SRRM4: variants seen among roughly 807,000 people sequenced by gnomAD.
SRRM4 encodes the protein serine/arginine repetitive matrix protein 4.
Under a neutral mutation model 68.9 loss-of-function variants are expected in SRRM4, and 33 were observed. The observed-to-expected ratio is 0.48, with a 90% CI of 0.36 to 0.64. SRRM4 has a LOEUF of 0.64. SRRM4 is among the 30% of genes least tolerant of loss of function. The pLI, the probability that SRRM4 is intolerant of heterozygous loss-of-function variation, is 0.00. For synonymous variants in SRRM4, 318 were observed against 318.8 expected, an observed-to-expected ratio of 1.00 and a Z score of 0.03; for missense variants, 817 against 827.1, an observed-to-expected ratio of 0.99 and a Z score of 0.15.
intron 1 of SRRM4, among the ~76,000 whole-genome samples, chr12:119,088,026 A>G (rs894259140): frequency 2.0e-5 from 3 of 152,202 alleles, no homozygotes; most frequent in Non-Finnish European, 2.9e-5. Flanking sequence ...TAGGTCCTCA[A>G]TAAATGTGAG....
At chr12:118,982,642 A>C (rs964131795) in intron 1 of SRRM4, among the ~76,000 whole-genome samples, 4 of 150,360 alleles carry the variant, frequency 2.7e-5, no homozygotes, top group Non-Finnish European at 4.4e-5. Flanking sequence ...CAAGATCGTG[A>C]AGATGATCTT....
chr12:119,036,255 C>T (rs1382471001), intron 1 of SRRM4, among the ~76,000 whole-genome samples: 1 of 152,148 alleles, frequency 6.6e-6, no homozygotes, highest in Non-Finnish European at 1.5e-5. Context: ...GTGGCCATTG[C>T]CTCCGCTTTG....
intron 1 of SRRM4, among the ~76,000 whole-genome samples, chr12:119,095,959 CAAAAA>C (rs34062118): frequency 9.4e-6 from 1 of 105,972 alleles, no homozygotes; most frequent in Admixed American, 9.7e-5. Context: ...GCCTCAGTCT[CAAAAA>C]AAAAAAAAAA....
intron 6 of SRRM4, among the ~76,000 whole-genome samples, chr12:119,123,682 A>T (rs933559666): frequency 6.6e-6 from 1 of 152,210 alleles, no homozygotes; most frequent in Admixed American, 6.5e-5. Context: ...AATCTTGAGG[A>T]TTCAAGATAA....
intron 1 of SRRM4, among the ~76,000 whole-genome samples, chr12:118,990,421 A>G (rs540847457): frequency 6.6e-6 from 1 of 152,226 alleles, no homozygotes; most frequent in African/African-American, 2.4e-5. Flanking sequence ...GCATTGTCCT[A>G]TTTGGTTCGG....
intron 1 of SRRM4, among the ~76,000 whole-genome samples, chr12:119,019,346 G>C (rs1464142815): frequency 3.3e-5 from 5 of 152,160 alleles, no homozygotes. Flanking sequence ...GTGTTCGGCA[G>C]ATGGGGGCTG....
Position 119,145,799 on chromosome 12 carries a change from G to C in SRRM4, c.1076+114G>C, listed in dbSNP as rs900856023. ...CCCCAAGATTATTTTATTTGTAAGA[G>C]AGATGAAACTCAACTCAGACTGGCT... On this transcript the variant is annotated intron_variant, in intron 9 of 12. Transcript: ENST00000267260. 5.1e-6 allele frequency: 5 copies of C among 987,428 alleles called. No homozygotes were observed. In the African/African-American group the frequency reaches 5.1e-5, roughly 10 times the overall value. 61.2% of individuals were successfully genotyped at this position (987,428 alleles called of 1,614,324 possible). A position where few individuals can be genotyped will look rare whatever the true frequency, so the allele number is the denominator to read the frequency against.
intron 1 of SRRM4, among the ~76,000 whole-genome samples, chr12:118,994,656 G>C (rs1276524078): frequency 6.6e-6 from 1 of 152,182 alleles, no homozygotes; most frequent in Non-Finnish European, 1.5e-5. Context: ...TAATGTGCTT[G>C]GGCTTGAATT....
intron 1 of SRRM4, among the ~76,000 whole-genome samples, chr12:118,990,271 C>T (rs2135988939): frequency 6.6e-6 from 1 of 152,226 alleles, no homozygotes; most frequent in South Asian, 2.1e-4. Context: ...AAAATGGTAT[C>T]ACAGAGGGGA....
At chr12:119,109,546 T>C (rs1954129502) in intron 2 of SRRM4, among the ~76,000 whole-genome samples, 1 of 152,230 alleles carries the variant, frequency 6.6e-6, no homozygotes, top group African/African-American at 2.4e-5. Context: ...TAAACTTCTC[T>C]TCTCACTTCA....
intron 1 of SRRM4, among the ~76,000 whole-genome samples, chr12:118,992,746 C>A (rs1029594557): frequency 6.6e-6 from 1 of 152,138 alleles, no homozygotes; most frequent in African/African-American, 2.4e-5. Context: ...CCAGGGGGAC[C>A]TTCAGAACTC....
chr12:119,077,912 GC>G (rs1953926031), intron 1 of SRRM4, among the ~76,000 whole-genome samples: 1 of 152,262 alleles, frequency 6.6e-6, no homozygotes, highest in Admixed American at 6.5e-5. Context: ...TTTTCCAGAT[GC>G]CCCACATATA....
At chr12:119,137,379 G>GCC (rs769124144) in intron 8 of SRRM4, among the ~76,000 whole-genome samples, 2 of 152,276 alleles carry the variant, frequency 1.3e-5, no homozygotes, top group East Asian at 3.9e-4. Flanking sequence ...GTGAGAGGTT[G>GCC]CCTTTTTTCC....
intron 1 of SRRM4, among the ~76,000 whole-genome samples, chr12:119,052,508 G>A (rs932573974): frequency 1.3e-5 from 2 of 150,782 alleles, no homozygotes; most frequent in African/African-American, 2.4e-5. Context: ...TTTTGTTGTT[G>A]TTGTTGTTGT....
At position 119,030,078 on chromosome 12, in the gene SRRM4, G is replaced by A. The variant is rs1213148339; in HGVS notation, c.131+48065G>A. On this transcript the variant is annotated intron_variant, in intron 1 of 12. Coordinates refer to ENST00000267260, the MANE Select transcript of SRRM4 (RefSeq NM_194286.4). ...TTATTAGCTGGGTAACAAATGAAAC[G>A]GAACAGCAACAGAAGGGCAGAGGTA... is the stretch of plus-strand genomic sequence containing the variant. Among the ~76,000 whole-genome samples the A allele has an allele frequency of 1.2e-4, 19 of 152,252 alleles. No individual in the cohort carries two copies. The South Asian group carries it at 3.3e-3, about 27-fold the overall frequency.
chr12:119,079,334 A>C (rs1953934153), intron 1 of SRRM4, among the ~76,000 whole-genome samples: 1 of 152,164 alleles, frequency 6.6e-6, no homozygotes, highest in African/African-American at 2.4e-5. Context: ...AGAGGAATCC[A>C]AAGGATTTTA....
At chr12:119,089,746 TATC>T (rs10565255) in intron 1 of SRRM4, among the ~76,000 whole-genome samples, 99,899 of 151,332 alleles carry the variant, frequency 0.66, 33,341 homozygotes, top group Middle Eastern at 0.76. Context: ...TCATCCTCAA[TATC>T]ATCATCATCA....
intron 1 of SRRM4, among the ~76,000 whole-genome samples, chr12:119,076,936 C>T (rs1159709729): frequency 9.0e-6 from 1 of 111,288 alleles, no homozygotes; most frequent in Admixed American, 9.4e-5. Flanking sequence ...ATGTTCTGGG[C>T]TCCTAAATTT....
At chr12:118,993,182 C>T (rs1167039836) in intron 1 of SRRM4, among the ~76,000 whole-genome samples, 1 of 152,108 alleles carries the variant, frequency 6.6e-6, no homozygotes, top group Non-Finnish European at 1.5e-5. Context: ...GTTTAATGCC[C>T]TCATGCCACT....
Sources: gnomAD v4.1 joint callset for allele counts (sites outside exome capture counted in the v4.1 genomes callset) on GRCh38, gnomAD v4.1.1 for gene constraint, MANE v1.5 for transcripts, NCBI Gene and HGNC (gene_info 2026-07-23, HGNC 2026-07-21) for gene names.